TTC39A: variants seen among roughly 807,000 people sequenced by gnomAD.
TTC39A encodes the protein tetratricopeptide repeat protein 39A.
In TTC39A, 46 loss-of-function variants were observed where a neutral mutation model predicts 82.3. The observed-to-expected ratio is 0.56, with a 90% CI of 0.44 to 0.71. TTC39A has a LOEUF of 0.71. Ranked by LOEUF, TTC39A falls within the 30% of genes least tolerant of loss-of-function variation. The probability of loss-of-function intolerance (pLI) is 0.00; values close to 1 mark genes in which losing one functional copy is unlikely to be tolerated. For synonymous variants in TTC39A, 254 were observed against 275.2 expected, an observed-to-expected ratio of 0.92 and a Z score of 0.76; for missense variants, 543 against 712.9, an observed-to-expected ratio of 0.76 and a Z score of 2.71.
At chr1:51,331,493 T>C, upstream of TTC39A, 3 of 1,326,480 alleles carry the variant, frequency 2.3e-6, no homozygotes, top group Non-Finnish European at 2.9e-6. Context: ...GGACTGTAGC[T>C]CCCCTGGAGC....
At position 51,301,602 on chromosome 1, in the gene TTC39A, G is replaced by T. The variant is rs1186861732; in HGVS notation, c.1023C>A (p.Asp341Glu). The T allele has an allele frequency of 3.7e-6, 6 of 1,612,306 alleles. No homozygotes were observed. In the Admixed American group the frequency reaches 6.7e-5, roughly 18 times the overall value. ...ACCAGCAGTTCTCCTTGCTGAGCAG[G>T]TCGGCGTAGAAGTAGGACATCTTCC... The part of the protein sequence containing the change: ...GQWKMSYFYA[D>E]LLSKENCWSK... The change falls in exon 12 of 18, where the codon GAC becomes GAA. Residue 341 changes from aspartate (D) to glutamate (E), a missense_variant. Transcript: ENST00000680483.
At chr1:51,310,296 T>A (rs1369986055) in intron 5 of TTC39A, among the ~76,000 whole-genome samples, 2 of 152,158 alleles carry the variant, frequency 1.3e-5, no homozygotes, top group Non-Finnish European at 1.5e-5. Flanking sequence ...AGGTAGTGAT[T>A]CCCCTGTTGG....
At position 51,321,280 on chromosome 1, in the gene TTC39A, C is replaced by T. The variant is rs1235184526; in HGVS notation, c.146+441G>A. ...TGATAAGTAAAGAAAAAGGAGTATA[C>T]GCCCATTATTGATTTGTATTTACAG... On this transcript the variant is annotated intron_variant, in intron 2 of 17. Transcript: ENST00000680483. This position sits in a 1 kb window ranked among gnomAD's most constrained non-coding sequence, Gnocchi z 4.6. Among the ~76,000 whole-genome samples the T allele has an allele frequency of 2.6e-5, 4 of 152,308 alleles. No homozygotes were observed. Among genetic ancestry groups the T allele is most frequent in the African/African-American group, 9.6e-5 (4 of 41,562 alleles).
At chr1:51,309,071 A>T (rs1290105195) in intron 6 of TTC39A, among the ~76,000 whole-genome samples, 190 bp downstream of exon 6, 1 of 152,232 alleles carries the variant, frequency 6.6e-6, no homozygotes, top group Admixed American at 6.5e-5. Context: ...AGACACAGCC[A>T]GAAAGCCAGA....
chr1:51,312,076 A>T (rs7521849), intron 4 of TTC39A, 43 bp downstream of exon 4: 2 of 1,583,746 alleles, frequency 1.3e-6, no homozygotes, highest in East Asian at 4.6e-5. Context: ...GGAGCTGGCC[A>T]CCTGGGCTTA....
intron 6 of TTC39A, among the ~76,000 whole-genome samples, chr1:51,306,858 C>A (rs1258101350): frequency 9.4e-6 from 1 of 106,046 alleles, no homozygotes; most frequent in South Asian, 4.6e-4. Context: ...GACAGACCCC[C>A]CCCCCCCGCC....
intron 1 of TTC39A, chr1:51,342,983 C>T (rs1646055758): frequency 2.2e-6 from 1 of 451,344 alleles, no homozygotes; most frequent in Non-Finnish European, 4.5e-6. Flanking sequence ...TCCCTGCACA[C>T]TGAGAGGTGT....
intron 2 of TTC39A, among the ~76,000 whole-genome samples, chr1:51,316,476 G>A (rs1199981717): frequency 6.6e-6 from 1 of 152,092 alleles, no homozygotes; most frequent in Non-Finnish European, 1.5e-5. Flanking sequence ...TGCCAAGCCT[G>A]CCAACCTTCT....
At chr1:51,289,922 G>A (rs1644138030) in intron 16 of TTC39A, 83 bp downstream of exon 16, 2 of 1,178,318 alleles carry the variant, frequency 1.7e-6, no homozygotes, top group East Asian at 5.0e-5. Flanking sequence ...GTCAGCCACT[G>A]CAGTGGGCAT....
chr1:51,315,375 T>C (rs2148246674), intron 2 of TTC39A, among the ~76,000 whole-genome samples: 1 of 152,320 alleles, frequency 6.6e-6, no homozygotes, highest in Admixed American at 6.5e-5. Flanking sequence ...AAGTTTGTAT[T>C]TGCATATATA....
At chr1:51,312,240 C>A (rs1446679670) in intron 3 of TTC39A, 45 bp from the exon 4 acceptor site, 6 of 1,535,114 alleles carry the variant, frequency 3.9e-6, no homozygotes, top group Non-Finnish European at 4.4e-6. Flanking sequence ...TAGAGAGAGG[C>A]CACACTTGTC....
intron 1 of TTC39A, among the ~76,000 whole-genome samples, chr1:51,341,110 C>T (rs1320613007): frequency 2.6e-5 from 4 of 152,056 alleles, no homozygotes; most frequent in East Asian, 1.9e-4. Context: ...TGCAGTGAGC[C>T]GAGATCGCAC....
chr1:51,322,057 T>C (rs1645545869), intron 1 of TTC39A: 1 of 1,534,218 alleles, frequency 6.5e-7, no homozygotes, highest in Non-Finnish European at 8.8e-7. Flanking sequence ...AGAGATCTGT[T>C]GGAGGTGGGG....
chr1:51,320,054 G>A (rs1423712243), intron 2 of TTC39A, among the ~76,000 whole-genome samples: 1 of 152,082 alleles, frequency 6.6e-6, no homozygotes, highest in Non-Finnish European at 1.5e-5. Context: ...ACAAGACCTG[G>A]AATCAAAGAA....
chr1:51,338,714 C>A (rs1210666906), intron 1 of TTC39A, among the ~76,000 whole-genome samples: 1 of 151,110 alleles, frequency 6.6e-6, no homozygotes, highest in Non-Finnish European at 1.5e-5. Context: ...GTGATTCTCC[C>A]GCCTCAGCCT....
intron 1 of TTC39A, among the ~76,000 whole-genome samples, chr1:51,337,069 A>T (rs1002679283): frequency 4.6e-5 from 7 of 152,170 alleles, no homozygotes; most frequent in African/African-American, 1.7e-4. Context: ...ACACAGCACC[A>T]GGCCCATTTG....
At chr1:51,295,482 G>A (rs1644379835) in intron 13 of TTC39A, 1 of 155,546 alleles carries the variant, frequency 6.4e-6, no homozygotes, top group Non-Finnish European at 1.4e-5. Context: ...CAAACACGGT[G>A]GTACAGGTAA....
chr1:51,302,581 A>G lies in TTC39A; in HGVS notation c.764-8T>C. 6.3e-7 allele frequency: 1 copy of G among 1,596,670 alleles called. No homozygotes were observed. Among genetic ancestry groups the G allele is most frequent in the Non-Finnish European group, 8.5e-7 (1 of 1,171,694 alleles). ...TGTTGACGTTCCCAGTACCTGGAGG[A>G]GATGGTGGGGGAGACACAGAACATG... On this transcript the variant is annotated splice_polypyrimidine_tract_variant and splice_region_variant and intron_variant, in intron 9 of 17. Coordinates refer to ENST00000680483, the MANE Select transcript of TTC39A (RefSeq NM_001297663.2).
At chr1:51,336,401 G>A (rs1645975369) in intron 1 of TTC39A, among the ~76,000 whole-genome samples, 1 of 151,978 alleles carries the variant, frequency 6.6e-6, no homozygotes, top group African/African-American at 2.4e-5. Flanking sequence ...GAGAAATTTG[G>A]GCCAAGAACT....
Sources: gnomAD v4.1 joint callset for allele counts (sites outside exome capture counted in the v4.1 genomes callset) on GRCh38, gnomAD v4.1.1 for gene constraint, Gnocchi (gnomAD v3.1) non-coding constraint, MANE v1.5 for transcripts, NCBI Gene and HGNC (gene_info 2026-07-23, HGNC 2026-07-21) for gene names.